Variants in ABLIM2 observed in about 807,000 individuals in gnomAD.
ABLIM2 encodes the protein actin-binding LIM protein 2.
In ABLIM2, 53 loss-of-function variants were observed where a neutral mutation model predicts 97.7. The ratio of observed to expected loss-of-function variants is 0.54; its 90% CI spans 0.44 to 0.68. ABLIM2 has a LOEUF of 0.68. Among genes scored for constraint, ABLIM2 ranks in the 30% least tolerant of loss-of-function variants. The pLI, the probability that ABLIM2 is intolerant of heterozygous loss-of-function variation, is 0.00. For missense variants in ABLIM2, 835 were observed against 867.2 expected (o/e 0.96, Z 0.47); for synonymous variants, 361 against 345.8 (o/e 1.04, Z -0.49).
At position 8,037,817 on chromosome 4, in the gene ABLIM2, C is replaced by T. The variant is rs904994214; in HGVS notation, c.901-1522G>A. Among the ~76,000 whole-genome samples the T allele has an allele frequency of 5.3e-5, 8 of 152,372 alleles. No homozygotes were observed. The South Asian group carries it at 1.4e-3, about 28-fold the overall frequency. On this transcript the variant is annotated intron_variant, in intron 9 of 20. Transcript: ENST00000447017. ...TGTCTACCTCTGGCCTACCCTGGCC[C>T]ACAGTGGCGCTCCTGCCCTTGCTGA...
intron 17 of ABLIM2, among the ~76,000 whole-genome samples, chr4:7,985,576 G>T (rs1157615299): frequency 6.6e-6 from 1 of 152,170 alleles, no homozygotes; most frequent in Non-Finnish European, 1.5e-5. Context: ...TACCTCCCTG[G>T]AAACCGTGGT....
intron 17 of ABLIM2, among the ~76,000 whole-genome samples, chr4:7,988,858 C>G (rs961187447): frequency 2.0e-5 from 3 of 152,158 alleles, no homozygotes; most frequent in East Asian, 3.8e-4. Context: ...CACATGTGTT[C>G]TTTTCAGCAT....
At chr4:8,157,133 A>G (rs1396827808) in intron 1 of ABLIM2, among the ~76,000 whole-genome samples, 1 of 152,042 alleles carries the variant, frequency 6.6e-6, no homozygotes, top group Non-Finnish European at 1.5e-5. Context: ...TATGCCTAAG[A>G]CCACCAGGCA....
At chr4:7,977,998 A>G (rs1734907274) in intron 20 of ABLIM2, among the ~76,000 whole-genome samples, 1 of 152,114 alleles carries the variant, frequency 6.6e-6, no homozygotes, top group South Asian at 2.1e-4. Context: ...TCTCCCACTG[A>G]GTTATCAGCT....
intron 1 of ABLIM2, among the ~76,000 whole-genome samples, chr4:8,143,161 G>C (rs1363041002): frequency 8.6e-5 from 12 of 139,804 alleles, no homozygotes; most frequent in Non-Finnish European, 1.4e-4. Context: ...GGCGAGAGTG[G>C]GGGGGGGGGG....
At chr4:8,093,144 C>A (rs1829753376) in intron 3 of ABLIM2, among the ~76,000 whole-genome samples, 1 of 152,212 alleles carries the variant, frequency 6.6e-6, no homozygotes, top group African/African-American at 2.4e-5. Flanking sequence ...CCACCGCACC[C>A]AGTCTCTTTT....
At position 8,147,143 on chromosome 4, in the gene ABLIM2, GT is replaced by G. The variant is rs1851930287; in HGVS notation, c.10+11536del. On this transcript the variant is annotated intron_variant, in intron 1 of 20. Coordinates refer to ENST00000447017, the MANE Select transcript of ABLIM2 (RefSeq NM_001130083.2). The surrounding 1 kb of genome is among the most constrained non-coding windows in gnomAD (Gnocchi z 5.3). ...CATCAAAAGGCATGAATGTATTTAA[GT>G]CTCCATACATTTCACCTAACTGCTC... is the stretch of plus-strand genomic sequence containing the variant. Among the ~76,000 whole-genome samples the G allele has an allele frequency of 6.6e-6, 1 of 152,200 alleles. No homozygotes were observed.
rs369575327 is a variant in ABLIM2 at position 8,088,322 on chromosome 4, T to A, written c.339-38A>T. On this transcript the variant is annotated intron_variant, in intron 3 of 20. Coordinates refer to ENST00000447017, the MANE Select transcript of ABLIM2 (RefSeq NM_001130083.2). ...AGCTCGTTACCAGCCAGGCCCACCTTCTGGCTCCTCTCTGGGGGAGCCCTG... is the reference window on the plus strand; with the variant it reads ...AGCTCGTTACCAGCCAGGCCCACCTACTGGCTCCTCTCTGGGGGAGCCCTG... The A allele has an allele frequency of 7.6e-5, 117 of 1,544,782 alleles. No homozygotes were observed. In the African/African-American group the frequency reaches 1.5e-3, roughly 20 times the overall value.
At position 8,020,325 on chromosome 4, in the gene ABLIM2, C is replaced by T; in HGVS notation, c.1268-22G>A. The stretch of plus-strand genomic sequence containing the variant: ...CTGCCTCCAGACGGAAGGGCAAAGG[C>T]AGCAGATAGAAGGGGAAACGGGAAA... On this transcript the variant is annotated intron_variant, in intron 12 of 20. Coordinates refer to ENST00000447017, the MANE Select transcript of ABLIM2 (RefSeq NM_001130083.2). 3 of 1,599,824 alleles carry T rather than the reference C, an allele frequency of 1.9e-6. No homozygotes were observed. The South Asian group carries it at 3.3e-5, about 18-fold the overall frequency.
intron 8 of ABLIM2, among the ~76,000 whole-genome samples, chr4:8,050,016 C>T (rs952912707): frequency 3.9e-5 from 6 of 152,224 alleles, no homozygotes; most frequent in African/African-American, 1.4e-4. Context: ...GTGTGAGCCA[C>T]TGCGCACGGC....
chr4:8,060,499 G>C (rs73216471), intron 7 of ABLIM2, among the ~76,000 whole-genome samples: 18,486 of 152,276 alleles, frequency 0.12, 1,471 homozygotes, highest in Non-Finnish European at 0.18. Context: ...GCTGCTGCCA[G>C]TGACCCTCAG....
chr4:8,091,185 G>A (rs1827153178), intron 3 of ABLIM2, among the ~76,000 whole-genome samples: 1 of 144,616 alleles, frequency 6.9e-6, no homozygotes, highest in South Asian at 2.1e-4. Context: ...AGGCGTAATG[G>A]CATTTCTTTG....
chr4:8,084,543 T>C (rs1346663254), intron 4 of ABLIM2, among the ~76,000 whole-genome samples: 1 of 152,028 alleles, frequency 6.6e-6, no homozygotes, highest in African/African-American at 2.4e-5. Flanking sequence ...GCTGGAAGAG[T>C]GGAGGACCCC....
At position 8,104,510 on chromosome 4, in the gene ABLIM2, T is replaced by C. The variant is rs138866919; in HGVS notation, c.154+1984A>G. ...CTGGATCCAGGTGATTCTTGGGGCA[T>C]CAAGTGCCCCCGGTGATGTCCCTGA... On this transcript the variant is annotated intron_variant, in intron 2 of 20. Coordinates refer to ENST00000447017, the MANE Select transcript of ABLIM2 (RefSeq NM_001130083.2). Among the ~76,000 whole-genome samples the C allele has an allele frequency of 4.2e-3, 633 of 152,268 alleles. 7 individuals carry two copies. Among genetic ancestry groups the C allele is most frequent in the Middle Eastern group, 0.014 (4 of 294 alleles).
chr4:8,000,646 C>T (rs1165087225), intron 16 of ABLIM2, among the ~76,000 whole-genome samples: 1 of 152,088 alleles, frequency 6.6e-6, no homozygotes, highest in East Asian at 1.9e-4. Flanking sequence ...CTTCATGTCC[C>T]CCACCCCACA....
At position 8,082,465 on chromosome 4, in the gene ABLIM2, G is replaced by A. The variant is rs1326828925; in HGVS notation, c.455-1663C>T. 2.0e-5 allele frequency among the ~76,000 whole-genome samples: 3 copies of A among 152,236 alleles called. No individual in the cohort carries two copies. Among genetic ancestry groups the A allele is most frequent in the East Asian group, 1.9e-4 (1 of 5,196 alleles). On this transcript the variant is annotated intron_variant, in intron 4 of 20. Transcript: ENST00000447017. This position sits in a 1 kb window ranked among gnomAD's most constrained non-coding sequence, Gnocchi z 5.6. ...GAGACCCCCTGTGGGCCTGCTGTGC[G>A]GTGAGAGCTCAGCAGAGGCTGCTTC...
At chr4:8,152,809 G>C (rs1417389479) in intron 1 of ABLIM2, among the ~76,000 whole-genome samples, 1 of 152,190 alleles carries the variant, frequency 6.6e-6, no homozygotes, top group African/African-American at 2.4e-5. Context: ...GCAGAGACTG[G>C]TCAGCTCATG....
chr4:8,092,582 C>T (rs1036111127), intron 3 of ABLIM2, among the ~76,000 whole-genome samples: 1 of 152,144 alleles, frequency 6.6e-6, no homozygotes, highest in Non-Finnish European at 1.5e-5. Context: ...CTCTGATTAG[C>T]ATATGAGATG....
chr4:8,122,330 A>G lies in ABLIM2; in HGVS notation c.11-15693T>C, dbSNP rs1293123427. Among the ~76,000 whole-genome samples the G allele has an allele frequency of 6.6e-6, 1 of 152,098 alleles. No individual in the cohort carries two copies. The highest frequency in any genetic ancestry group is 1.5e-5 in the Non-Finnish European group (1 of 68,012). Reference sequence around the variant, plus strand: ...TCCCATCCTCCATTTCCCAGGGGACACCCTCTGTCCTGGTCCATGTGGGCT... The same window carrying G: ...TCCCATCCTCCATTTCCCAGGGGACGCCCTCTGTCCTGGTCCATGTGGGCT... On this transcript the variant is annotated intron_variant, in intron 1 of 20. Coordinates refer to ENST00000447017, the MANE Select transcript of ABLIM2 (RefSeq NM_001130083.2). This position sits in a 1 kb window ranked among gnomAD's most constrained non-coding sequence, Gnocchi z 4.1.
Sources: allele counts gnomAD v4.1 joint callset (sites outside exome capture counted in the v4.1 genomes callset), GRCh38; gene constraint gnomAD v4.1.1; non-coding constraint Gnocchi (gnomAD v3.1); transcripts MANE v1.5; gene names NCBI Gene and HGNC (gene_info 2026-07-23, HGNC 2026-07-21).